The following MAP3K4 variants were observed in gnomAD, a reference collection of about 807,000 sequenced individuals.
MAP3K4 encodes the protein mitogen-activated protein kinase kinase kinase 4, also known as MAP three kinase 1.
A neutral mutation model predicts 185.6 loss-of-function variants in MAP3K4; 67 were observed. That is an observed-to-expected ratio of 0.36 (90% CI 0.30 to 0.44). MAP3K4 has a LOEUF of 0.44. Among genes scored for constraint, MAP3K4 ranks in the 20% least tolerant of loss-of-function variants. The pLI, the probability that MAP3K4 is intolerant of heterozygous loss-of-function variation, is 1.00. For synonymous variants in MAP3K4, 702 were observed against 710.4 expected (o/e 0.99, Z 0.19); for missense variants, 1,551 against 1,995.1 (o/e 0.78, Z 4.24).
chr6:161,042,415 C>T (rs1029419766), intron 2 of MAP3K4, among the ~76,000 whole-genome samples: 2 of 152,142 alleles, frequency 1.3e-5, no homozygotes, highest in African/African-American at 4.8e-5. Context: ...TATCTGACGT[C>T]CCAGTTGATG....
rs1163458821 is a variant in MAP3K4, at chr6:160,991,880, C to T, written c.-52C>T. On this transcript the variant is annotated 5_prime_UTR_variant, in exon 1 of 27. Coordinates refer to ENST00000392142, the MANE Select transcript of MAP3K4 (RefSeq NM_005922.4). This position sits in a 1 kb window ranked among gnomAD's most constrained non-coding sequence, Gnocchi z 5.7. ...CGCACTTCGGGGCTCCGGTGCCCCG[C>T]GCCAGGCTGCAGCTTACTGCCCGCC... 2.8e-6 allele frequency: 4 copies of T among 1,449,960 alleles called. No homozygotes were observed. The highest frequency in any genetic ancestry group is 3.6e-6 in the Non-Finnish European group (4 of 1,111,828). 89.8% of individuals were successfully genotyped at this position (1,449,960 alleles called of 1,614,324 possible).
chr6:161,050,126 A>G, intron 3 of MAP3K4, 147 bp downstream of exon 3: 1 of 764,362 alleles, frequency 1.3e-6, no homozygotes, highest in Non-Finnish European at 2.1e-6. Context: ...CATTTCTGTA[A>G]AGTACTATGA....
intron 1 of MAP3K4, among the ~76,000 whole-genome samples, chr6:161,014,828 G>A (rs972942224): frequency 3.3e-5 from 5 of 151,602 alleles, no homozygotes; most frequent in African/African-American, 1.2e-4. Flanking sequence ...ACAGATATAT[G>A]CAACCATTAC....
In MAP3K4 at chr6:161,096,075, A is replaced by G. The variant is rs532512835; in HGVS notation, c.3428-1005A>G. ...TACTATTGAATTTCTTCCATTTGCC[A>G]TTGTAATAGCTAGGATAATGAATCA... On this transcript the variant is annotated intron_variant, in intron 15 of 26. Transcript: ENST00000392142. The surrounding 1 kb of genome is among the most constrained non-coding windows in gnomAD (Gnocchi z 4.9). Among the ~76,000 whole-genome samples, 18 of 152,002 alleles carry G rather than the reference A, an allele frequency of 1.2e-4. No individual in the cohort carries two copies. The South Asian group carries it at 3.7e-3, about 32-fold the overall frequency.
chr6:161,099,071 A>G (rs925985764), intron 17 of MAP3K4, among the ~76,000 whole-genome samples: 1 of 152,204 alleles, frequency 6.6e-6, no homozygotes, highest in African/African-American at 2.4e-5. Context: ...GGATTTCATC[A>G]TGTTCTCCTA....
intron 1 of MAP3K4, among the ~76,000 whole-genome samples, chr6:161,013,715 C>A (rs1218571325): frequency 6.6e-6 from 1 of 152,192 alleles, no homozygotes; most frequent in Non-Finnish European, 1.5e-5. Context: ...GCAGGGCTGC[C>A]CCGTAGGCCA....
intron 3 of MAP3K4, among the ~76,000 whole-genome samples, chr6:161,052,627 C>A (rs1246279741): frequency 6.6e-6 from 1 of 152,098 alleles, no homozygotes; most frequent in Non-Finnish European, 1.5e-5. Flanking sequence ...TTAATCCAAA[C>A]TAACAAAAGA....
Position 161,080,382 on chromosome 6 carries a change from AT to A in MAP3K4, c.2098-498del, listed in dbSNP as rs1785392412. Among the ~76,000 whole-genome samples the A allele has an allele frequency of 6.6e-6, 1 of 152,208 alleles. No homozygotes were observed. Among genetic ancestry groups the A allele is most frequent in the African/African-American group, 2.4e-5 (1 of 41,460 alleles). On this transcript the variant is annotated intron_variant, in intron 5 of 26. Transcript: ENST00000392142. This position sits in a 1 kb window ranked among gnomAD's most constrained non-coding sequence, Gnocchi z 4.8. ...CAACTGGATATTTTGGTTTTAGATC[AT>A]CATTTATATGTTGCAAGCCTTGAAA...
At chr6:161,052,543 A>G (rs913920995) in intron 3 of MAP3K4, among the ~76,000 whole-genome samples, 45 of 152,212 alleles carry the variant, frequency 3.0e-4, no homozygotes, top group Non-Finnish European at 4.9e-4. Flanking sequence ...ATTTTGGTTC[A>G]TAAGATGCTA....
chr6:161,037,099 T>C lies in MAP3K4; in HGVS notation c.343+2650T>C, dbSNP rs377098533. On this transcript the variant is annotated intron_variant, in intron 2 of 26. Transcript: ENST00000392142. The surrounding 1 kb of genome is among the most constrained non-coding windows in gnomAD (Gnocchi z 4.2). ...GCTGGTGAACTATTTCTTGCGGACA[T>C]TCTTGTTTATGAATACCAAGACAAG... Among the ~76,000 whole-genome samples the C allele has an allele frequency of 1.3e-5, 2 of 152,174 alleles. No homozygotes were observed. Among genetic ancestry groups the C allele is most frequent in the Non-Finnish European group, 2.9e-5 (2 of 68,024 alleles).
Position 161,049,121 on chromosome 6 carries a change from T to C in MAP3K4, c.849T>C (p.Phe283=), listed in dbSNP as rs771530461. 6.8e-6 allele frequency: 11 copies of C among 1,614,182 alleles called. No individual in the cohort carries two copies. The South Asian group carries it at 1.2e-4, about 18-fold the overall frequency. Residue 283 remains phenylalanine (F), a synonymous_variant, in exon 3 of 27, where the codon TTT becomes TTC. Coordinates refer to ENST00000392142, the MANE Select transcript of MAP3K4 (RefSeq NM_005922.4). This position sits in a 1 kb window ranked among gnomAD's most constrained non-coding sequence, Gnocchi z 8.4. ...AGRTINDQDF[F]LYTARQAIPD... ...GGACAATTAACGACCAGGACTTCTTTTTATATACAGCCCGTCAAGCCATCC... is the reference window on the plus strand; with the variant it reads ...GGACAATTAACGACCAGGACTTCTTCTTATATACAGCCCGTCAAGCCATCC...
rs1177114882 is a variant in MAP3K4 at position 161,054,237 on chromosome 6, CTTTGCCTTGGG to C, written c.1707+4259_1707+4269del. 1.4e-4 allele frequency among the ~76,000 whole-genome samples: 21 copies of C among 152,208 alleles called. 1 individual carries two copies. The highest frequency in any genetic ancestry group is 1.2e-3 in the Admixed American group (19 of 15,300). On this transcript the variant is annotated intron_variant, in intron 3 of 26. Coordinates refer to ENST00000392142, the MANE Select transcript of MAP3K4 (RefSeq NM_005922.4). This position sits in a 1 kb window ranked among gnomAD's most constrained non-coding sequence, Gnocchi z 4.2. ...TGGCGCTATCTCAGCTCCCTGAGAC[CTTTGCCTTGGG>C]GGTTCAGGCTATTCTCCTGCCTCAG...
At position 161,091,903 on chromosome 6, in the gene MAP3K4, G is replaced by T; in HGVS notation, c.3136-107G>T. ...ATTCAAAATATAGAAATTTTAATTG[G>T]ATTTCACTTTTTGTTTTTAGAAAAC... On this transcript the variant is annotated intron_variant, in intron 12 of 26. Transcript: ENST00000392142. This position sits in a 1 kb window ranked among gnomAD's most constrained non-coding sequence, Gnocchi z 5.5. 1.1e-6 allele frequency: 1 copy of T among 921,992 alleles called. No homozygotes were observed. Among genetic ancestry groups the T allele is most frequent in the Admixed American group, 2.3e-5 (1 of 44,318 alleles). The allele number at this position is 921,992 out of a possible 1,614,324, so 57.1% of individuals were successfully genotyped here. A position where few individuals can be genotyped will look rare whatever the true frequency, so the allele number is the denominator to read the frequency against.
At chr6:161,066,018 A>C (rs1784697255) in intron 3 of MAP3K4, among the ~76,000 whole-genome samples, 1 of 152,056 alleles carries the variant, frequency 6.6e-6, no homozygotes, top group Non-Finnish European at 1.5e-5. Flanking sequence ...GTGCTCAAAA[A>C]GTTTTGGATT....
chr6:161,005,264 C>CA, intron 1 of MAP3K4, among the ~76,000 whole-genome samples: 1 of 151,942 alleles, frequency 6.6e-6, no homozygotes, highest in South Asian at 2.1e-4. Context: ...TCAGCCTCCC[C>CA]AGTAGATGGA....
chr6:161,086,668 G>A lies in MAP3K4; in HGVS notation c.2556+1G>A. ...TCTGAAATCAAAACAGTATGTCAAG[G>A]TAAGTACTTCAAATGTTGTGATTGA... is the stretch of plus-strand genomic sequence containing the variant. On this transcript the variant is annotated splice_donor_variant, in intron 9 of 26. Coordinates refer to ENST00000392142, the MANE Select transcript of MAP3K4 (RefSeq NM_005922.4). LOFTEE classifies it high-confidence loss of function. This position sits in a 1 kb window ranked among gnomAD's most constrained non-coding sequence, Gnocchi z 4.8. 6.2e-7 allele frequency: 1 copy of A among 1,606,592 alleles called. No homozygotes were observed. Among genetic ancestry groups the A allele is most frequent in the Non-Finnish European group, 8.5e-7 (1 of 1,177,472 alleles).
Position 161,054,398 on chromosome 6 carries a change from A to T in MAP3K4, c.1707+4419A>T, listed in dbSNP as rs1784144337. 6.6e-6 allele frequency among the ~76,000 whole-genome samples: 1 copy of T among 152,010 alleles called. No individual in the cohort carries two copies. Among genetic ancestry groups the T allele is most frequent in the Non-Finnish European group, 1.5e-5 (1 of 68,006 alleles). On this transcript the variant is annotated intron_variant, in intron 3 of 26. Coordinates refer to ENST00000392142, the MANE Select transcript of MAP3K4 (RefSeq NM_005922.4). This position sits in a 1 kb window ranked among gnomAD's most constrained non-coding sequence, Gnocchi z 4.2. ...TCAAACTCCTGACCTCACATGATCCACCCGCCTTGGCCTCCCAAAGTGCTG... is the reference window on the plus strand; with the variant it reads ...TCAAACTCCTGACCTCACATGATCCTCCCGCCTTGGCCTCCCAAAGTGCTG...
intron 5 of MAP3K4, among the ~76,000 whole-genome samples, chr6:161,079,460 C>G (rs1028347047): frequency 3.9e-5 from 6 of 151,916 alleles, no homozygotes; most frequent in African/African-American, 1.5e-4. Flanking sequence ...GCCTGTAATC[C>G]CAGCTACTCA....
At chr6:161,057,317 A>T (rs1366694637) in intron 3 of MAP3K4, among the ~76,000 whole-genome samples, 12 of 152,194 alleles carry the variant, frequency 7.9e-5, no homozygotes, top group Admixed American at 7.9e-4. Context: ...TGACTCTCAC[A>T]GTGTTCCAGA....
Sources: gnomAD v4.1 joint callset for allele counts (sites outside exome capture counted in the v4.1 genomes callset) on GRCh38, gnomAD v4.1.1 for gene constraint, Gnocchi (gnomAD v3.1) non-coding constraint, MANE v1.5 for transcripts, NCBI Gene and HGNC (gene_info 2026-07-23, HGNC 2026-07-21) for gene names.